The following PSMD1 variants were observed in gnomAD, a reference collection of about 807,000 sequenced individuals.
PSMD1 encodes the protein proteasome 26S subunit, non-ATPase 1.
In PSMD1, 18 loss-of-function variants were observed where a neutral mutation model predicts 119.0. The observed-to-expected ratio is 0.15, with a 90% CI of 0.10 to 0.22. The LOEUF is 0.22. Among genes scored for constraint, PSMD1 ranks in the 10% least tolerant of loss-of-function variants. PSMD1 has a pLI of 1.00. For missense variants in PSMD1, 702 were observed against 1,158.5 expected (o/e 0.61, Z 5.72); for synonymous variants, 374 against 396.6 (o/e 0.94, Z 0.68).
chr2:231,108,930 T>C (rs1695057723), intron 16 of PSMD1: 4 of 1,614,034 alleles, frequency 2.5e-6, no homozygotes, highest in Admixed American at 1.7e-5. Context: ...ACTAAAGTTA[T>C]ATTTGTAATA....
chr2:231,163,545 C>A (rs1696688060), intron 20 of PSMD1, 90 bp from the exon 21 acceptor site: 4 of 823,322 alleles, frequency 4.9e-6, no homozygotes, highest in Non-Finnish European at 8.0e-6. Context: ...ATACAGCCTG[C>A]ATTAAAACTT....
chr2:231,158,857 G>A lies in PSMD1; in HGVS notation c.2219-2483G>A, dbSNP rs113537703. Among the ~76,000 whole-genome samples, 1,196 of 152,242 alleles carry A rather than the reference G, an allele frequency of 7.9e-3. 23 individuals carry two copies. The highest frequency in any genetic ancestry group is 0.028 in the African/African-American group (1,151 of 41,514). On this transcript the variant is annotated intron_variant, in intron 19 of 24. Coordinates refer to ENST00000308696, the MANE Select transcript of PSMD1 (RefSeq NM_002807.4). ...GTTAGCATTCAGTGAATGGGGGTTA[G>A]CGTAGGGAAGAGTACAAGTAGACAA... is the stretch of plus-strand genomic sequence containing the variant.
intron 19 of PSMD1, among the ~76,000 whole-genome samples, chr2:231,160,101 C>T (rs1174930569): frequency 3.3e-5 from 5 of 152,194 alleles, no homozygotes; most frequent in Non-Finnish European, 7.3e-5. Flanking sequence ...ATATATTCTC[C>T]CAGCAGTCCA....
intron 19 of PSMD1, among the ~76,000 whole-genome samples, chr2:231,157,030 G>C (rs1485241237): frequency 6.6e-6 from 1 of 152,108 alleles, no homozygotes; most frequent in Non-Finnish European, 1.5e-5. Context: ...TTTTGGTGGT[G>C]AGTATTTAAA....
chr2:231,063,021 C>T (rs558783793), intron 4 of PSMD1, among the ~76,000 whole-genome samples: 1 of 152,262 alleles, frequency 6.6e-6, no homozygotes, highest in African/African-American at 2.4e-5. Context: ...GCTAGTCACT[C>T]TGCATACCAT....
intron 16 of PSMD1, among the ~76,000 whole-genome samples, chr2:231,127,693 A>G (rs943619469): frequency 1.3e-5 from 2 of 152,220 alleles, no homozygotes; most frequent in African/African-American, 4.8e-5. Context: ...GATGGATAGC[A>G]CAGTGATGAC....
At chr2:231,067,676 A>T (rs1242840574) in intron 5 of PSMD1, among the ~76,000 whole-genome samples, 3 of 150,506 alleles carry the variant, frequency 2.0e-5, no homozygotes, top group African/African-American at 7.3e-5. Flanking sequence ...TTTTTTTTTG[A>T]GATGGAGTCT....
At chr2:231,145,539 T>A (rs1339184084) in intron 17 of PSMD1, among the ~76,000 whole-genome samples, 1 of 152,168 alleles carries the variant, frequency 6.6e-6, no homozygotes, top group African/African-American at 2.4e-5. Flanking sequence ...TTAGCTTATC[T>A]TTTTTTAATA....
intron 16 of PSMD1, among the ~76,000 whole-genome samples, chr2:231,097,712 T>G (rs1010616216): frequency 1.3e-5 from 2 of 152,164 alleles, no homozygotes; most frequent in African/African-American, 4.8e-5. Context: ...TGATCTAGTA[T>G]TCCCTGTGGG....
At chr2:231,072,883 G>A (rs926676374) in intron 7 of PSMD1, among the ~76,000 whole-genome samples, 1 of 152,006 alleles carries the variant, frequency 6.6e-6, no homozygotes, top group African/African-American at 2.4e-5. Context: ...TTATTTTTCT[G>A]TATTTTACAC....
intron 17 of PSMD1, among the ~76,000 whole-genome samples, chr2:231,139,333 T>C (rs1459774528): frequency 6.9e-6 from 1 of 145,458 alleles, no homozygotes; most frequent in Non-Finnish European, 1.5e-5. Context: ...TTTTTTTTTT[T>C]TTTTCTTTTG....
At chr2:231,063,944 C>T (rs1307035901) in intron 4 of PSMD1, among the ~76,000 whole-genome samples, 1 of 151,950 alleles carries the variant, frequency 6.6e-6, no homozygotes, top group Non-Finnish European at 1.5e-5. Flanking sequence ...AATTAACAGG[C>T]GTGAGCCACC....
At chr2:231,067,340 G>T (rs1693934050) in intron 5 of PSMD1, among the ~76,000 whole-genome samples, 1 of 152,100 alleles carries the variant, frequency 6.6e-6, no homozygotes, top group South Asian at 2.1e-4. Flanking sequence ...GTCTTGCATG[G>T]GGAAGTTGTA....
chr2:231,113,916 G>A, intron 16 of PSMD1: 2 of 1,613,888 alleles, frequency 1.2e-6, no homozygotes, highest in Non-Finnish European at 1.7e-6. Context: ...CAAGTGGGAG[G>A]GGCCACATAG....
At chr2:231,057,164 C>T in intron 1 of PSMD1, 123 bp downstream of exon 1, 2 of 1,227,890 alleles carry the variant, frequency 1.6e-6, no homozygotes, top group Non-Finnish European at 2.1e-6. Context: ...CTTCTTGCTG[C>T]CCAGGGCCCA....
intron 18 of PSMD1, among the ~76,000 whole-genome samples, chr2:231,147,661 T>A (rs17586449): frequency 0.15 from 22,462 of 152,238 alleles, 3,443 homozygotes; most frequent in African/African-American, 0.39. Context: ...AGCATTGATA[T>A]ACTAAATAGA....
chr2:231,080,277 A>G lies in PSMD1; in HGVS notation c.1376A>G (p.Asp459Gly). 1 of 1,612,700 alleles carries G rather than the reference A, an allele frequency of 6.2e-7. No individual in the cohort carries two copies. The highest frequency in any genetic ancestry group is 8.5e-7 in the Non-Finnish European group (1 of 1,179,062). Residue 459 changes from aspartate to glycine, a missense_variant, in exon 12 of 25, where the codon GAC becomes GGC. Physicochemically the swap from Asp to Gly is moderately conservative, Grantham distance 94. Around this residue, in one of 9 missense-constraint regions of PSMD1, gnomAD observed 272 missense variants for 511.6 expected, o/e 0.53. Coordinates refer to ENST00000308696, the MANE Select transcript of PSMD1 (RefSeq NM_002807.4). ...GCCAATCATGGTGGTGATATAATTGACTATCTGCTTAATCAGCTTAAGAAC... is the reference window on the plus strand; with the variant it reads ...GCCAATCATGGTGGTGATATAATTGGCTATCTGCTTAATCAGCTTAAGAAC... ...IHANHGGDII[D>G]YLLNQLKNAS...
intron 13 of PSMD1, 92 bp from the exon 14 acceptor site, chr2:231,083,475 A>G (rs1358980594): frequency 3.1e-5 from 41 of 1,322,212 alleles, no homozygotes; most frequent in Non-Finnish European, 4.2e-5. Flanking sequence ...TTTTTTTGAT[A>G]GTTTATGCAA....
intron 18 of PSMD1, among the ~76,000 whole-genome samples, chr2:231,149,260 T>C (rs188502780): frequency 3.7e-4 from 56 of 152,352 alleles, no homozygotes; most frequent in Non-Finnish European, 6.3e-4. Flanking sequence ...GATCAAAGGT[T>C]CACATTTAAC....
Sources: gnomAD v4.1 joint callset for allele counts (sites outside exome capture counted in the v4.1 genomes callset) on GRCh38, gnomAD v4.1.1 for gene constraint, gnomAD v4.1.1 regional missense constraint, MANE v1.5 for transcripts, NCBI Gene and HGNC (gene_info 2026-07-23, HGNC 2026-07-21) for gene names.